USP48: variants seen among roughly 807,000 people sequenced by gnomAD.
USP48 encodes ubiquitin specific peptidase 48, also known as ubiquitin carboxyl-terminal hydrolase 48.
Under a neutral mutation model 150.7 loss-of-function variants are expected in USP48, and 43 were observed. That is an observed-to-expected ratio of 0.29 (90% CI 0.22 to 0.37). The LOEUF (loss-of-function observed/expected upper bound fraction) is 0.37. Ranked by LOEUF, USP48 falls within the 10% of genes least tolerant of loss-of-function variation. USP48 has a pLI of 1.00. For synonymous variants in USP48, 396 were observed against 425.9 expected, an observed-to-expected ratio of 0.93 and a Z score of 0.86; for missense variants, 813 against 1,249.6, an observed-to-expected ratio of 0.65 and a Z score of 5.27.
At chr1:21,698,120 C>G (rs546697489) in intron 22 of USP48, among the ~76,000 whole-genome samples, 1 of 152,224 alleles carries the variant, frequency 6.6e-6, no homozygotes, top group African/African-American at 2.4e-5. Context: ...GCAGCAATTA[C>G]AGAAGCTATC....
intron 14 of USP48, among the ~76,000 whole-genome samples, chr1:21,716,481 T>G (rs2152536705): frequency 6.6e-6 from 1 of 152,310 alleles, no homozygotes; most frequent in South Asian, 2.1e-4. Flanking sequence ...AATTTAAAAC[T>G]TATGAATTGT....
chr1:21,739,673 C>T (rs1420600173), intron 8 of USP48, among the ~76,000 whole-genome samples: 1 of 152,000 alleles, frequency 6.6e-6, no homozygotes, highest in Non-Finnish European at 1.5e-5. Flanking sequence ...GTTATTTTAG[C>T]TATTTCAAAA....
Position 21,703,524 on chromosome 1 carries a change from C to G in USP48, c.2610G>C (p.Val870=). ...GAGGGACCAGTACCTTTTTATTATC[C>G]ACAACTTTATGGACATAGATGGTGG... ...TQATIYVHKV[V]DNKKVMKDSA... The change falls in exon 21 of 27, where the codon GTG becomes GTC. Residue 870 remains valine (V), a synonymous_variant. Coordinates refer to ENST00000308271, the MANE Select transcript of USP48 (RefSeq NM_032236.8). 1 of 1,611,706 alleles carries G rather than the reference C, an allele frequency of 6.2e-7. No homozygotes were observed.
chr1:21,707,025 C>T (rs1379767452), intron 15 of USP48, 157 bp from the exon 16 acceptor site: 1 of 895,948 alleles, frequency 1.1e-6, no homozygotes, highest in African/African-American at 1.7e-5. Context: ...TTTTCAAAAA[C>T]TTCTGAATTT....
chr1:21,783,124 C>T lies in USP48; in HGVS notation c.-167G>A. 9.3e-7 allele frequency: 1 copy of T among 1,071,678 alleles called. No individual in the cohort carries two copies. Among genetic ancestry groups the T allele is most frequent in the Non-Finnish European group, 1.2e-6 (1 of 816,218 alleles). The allele number at this position is 1,071,678 out of a possible 1,614,324, so 66.4% of individuals were successfully genotyped here. The stretch of plus-strand genomic sequence containing the variant: ...GCGCGCCACTGCCGCCGCGCCCGCC[C>T]GCGCCCGACCCGCACGACCGGCCGC... On this transcript the variant is annotated 5_prime_UTR_variant, in exon 1 of 27. Coordinates refer to ENST00000308271, the MANE Select transcript of USP48 (RefSeq NM_032236.8).
chr1:21,708,073 G>A (rs1384120673), intron 15 of USP48, among the ~76,000 whole-genome samples: 2 of 152,020 alleles, frequency 1.3e-5, no homozygotes, highest in Admixed American at 6.5e-5. Context: ...GAGGCAAGAG[G>A]ACTCCTTGAG....
At chr1:21,728,154 T>C (rs1335129249) in intron 11 of USP48, 1 of 988,118 alleles carries the variant, frequency 1.0e-6, no homozygotes, top group Non-Finnish European at 1.2e-6. Flanking sequence ...TCTAATAGTA[T>C]CAAAAAAACT....
chr1:21,744,748 G>C (rs970023593), intron 8 of USP48, among the ~76,000 whole-genome samples: 1 of 123,834 alleles, frequency 8.1e-6, no homozygotes, highest in African/African-American at 3.0e-5. Flanking sequence ...CTGCACTCCA[G>C]CCTGGGCAAC....
At chr1:21,713,166 G>A (rs1264368782) in intron 15 of USP48, among the ~76,000 whole-genome samples, 1 of 150,898 alleles carries the variant, frequency 6.6e-6, no homozygotes, top group Non-Finnish European at 1.5e-5. Flanking sequence ...ACAGTGGCAC[G>A]TGAATATGGC....
At chr1:21,758,586 C>T (rs2097842613) in intron 1 of USP48, among the ~76,000 whole-genome samples, 1 of 151,888 alleles carries the variant, frequency 6.6e-6, no homozygotes, top group Non-Finnish European at 1.5e-5. Context: ...CCTGTCTCTA[C>T]TAAAAATACA....
intron 6 of USP48, among the ~76,000 whole-genome samples, chr1:21,751,285 A>G (rs1269656732): frequency 1.3e-5 from 2 of 152,236 alleles, no homozygotes; most frequent in African/African-American, 4.8e-5. Context: ...TCACACATAC[A>G]TAACTTTACA....
rs188039621 is a variant in USP48, at chr1:21,707,672, A to G, written c.1964-804T>C. Among the ~76,000 whole-genome samples, 3 of 152,294 alleles carry G rather than the reference A, an allele frequency of 2.0e-5. No individual in the cohort carries two copies. The East Asian group carries it at 5.8e-4, about 29-fold the overall frequency. On this transcript the variant is annotated intron_variant, in intron 15 of 26. Transcript: ENST00000308271. ...CACTTATCTACCCATATCGGTCATTACCCAGAAAACTATCTTTAAATTTCT... is the reference window on the plus strand; with the variant it reads ...CACTTATCTACCCATATCGGTCATTGCCCAGAAAACTATCTTTAAATTTCT...
chr1:21,700,183 A>T (rs1294316841), intron 22 of USP48, among the ~76,000 whole-genome samples: 2 of 151,938 alleles, frequency 1.3e-5, no homozygotes, highest in South Asian at 2.1e-4. Flanking sequence ...CTGCATTCTC[A>T]TCAAGTGTAC....
intron 22 of USP48, among the ~76,000 whole-genome samples, chr1:21,697,967 T>C (rs977993160): frequency 1.4e-4 from 22 of 152,076 alleles, no homozygotes; most frequent in African/African-American, 4.8e-4. Flanking sequence ...TGATACCCAA[T>C]ACCGAGTATA....
chr1:21,755,995 G>A (rs188623309), intron 3 of USP48, among the ~76,000 whole-genome samples: 15 of 151,976 alleles, frequency 9.9e-5, no homozygotes, highest in African/African-American at 2.7e-4. Flanking sequence ...GAGAAACCCC[G>A]TCTCTACTAA....
chr1:21,763,837 AAGGG>A (rs1220123933), intron 1 of USP48, among the ~76,000 whole-genome samples: 3 of 147,086 alleles, frequency 2.0e-5, no homozygotes, highest in South Asian at 4.7e-4. Flanking sequence ...GGGAGGAAGG[AAGGG>A]AGGGAGGGAG....
intron 22 of USP48, among the ~76,000 whole-genome samples, chr1:21,695,977 A>G (rs1421402387): frequency 6.6e-6 from 1 of 152,238 alleles, no homozygotes. Flanking sequence ...TCTTGCAAAA[A>G]TGTTATACTG....
chr1:21,767,941 C>T (rs184858761), intron 1 of USP48, among the ~76,000 whole-genome samples: 1 of 152,270 alleles, frequency 6.6e-6, no homozygotes, highest in African/African-American at 2.4e-5. Flanking sequence ...GGCATGGTGG[C>T]TCACGCCTGC....
chr1:21,684,545 A>C (rs932321102), intron 25 of USP48, among the ~76,000 whole-genome samples: 1 of 152,126 alleles, frequency 6.6e-6, no homozygotes, highest in African/African-American at 2.4e-5. Context: ...GAAGCTTTTT[A>C]GTTTAATATA....
Sources: allele counts gnomAD v4.1 joint callset (sites outside exome capture counted in the v4.1 genomes callset), GRCh38; gene constraint gnomAD v4.1.1; transcripts MANE v1.5; gene names NCBI Gene and HGNC (gene_info 2026-07-23, HGNC 2026-07-21).